ARMC9: variants seen among roughly 807,000 people sequenced by gnomAD.
ARMC9 encodes the protein lisH domain-containing protein ARMC9.
Under a neutral mutation model 107.0 loss-of-function variants are expected in ARMC9, and 94 were observed. The ratio of observed to expected loss-of-function variants is 0.88; its 90% CI spans 0.74 to 1.04. The LOEUF (loss-of-function observed/expected upper bound fraction) is 1.04. Ranked by LOEUF, ARMC9 falls within the 50% of genes least tolerant of loss-of-function variation. The pLI is 0.00. For missense variants in ARMC9, 942 were observed against 1,030.1 expected, an observed-to-expected ratio of 0.91 and a Z score of 1.17; for synonymous variants, 380 against 396.9, an observed-to-expected ratio of 0.96 and a Z score of 0.51.
At chr2:231,312,540 G>T (rs928838141) in intron 19 of ARMC9, among the ~76,000 whole-genome samples, 1 of 151,720 alleles carries the variant, frequency 6.6e-6, no homozygotes, top group Non-Finnish European at 1.5e-5. Context: ...ATTCTTCTCC[G>T]AACAAACCGT....
intron 20 of ARMC9, among the ~76,000 whole-genome samples, chr2:231,343,410 T>G (rs1279133676): frequency 6.6e-6 from 1 of 151,952 alleles, no homozygotes; most frequent in Admixed American, 6.6e-5. Context: ...TTTTTGTTTT[T>G]TATTTTATTT....
intron 6 of ARMC9, 98 bp from the exon 7 acceptor site, chr2:231,226,676 T>C (rs2125341001): frequency 1.4e-6 from 2 of 1,400,186 alleles, no homozygotes; most frequent in Non-Finnish European, 2.0e-6. Flanking sequence ...TTCTGTTTCA[T>C]CATGCTGAGG....
intron 19 of ARMC9, among the ~76,000 whole-genome samples, chr2:231,303,826 A>AC (rs1450340658): frequency 1.3e-5 from 2 of 152,012 alleles, no homozygotes; most frequent in Admixed American, 1.3e-4. Flanking sequence ...AATCCTAGCT[A>AC]CTCAGAGGCT....
intron 19 of ARMC9, among the ~76,000 whole-genome samples, chr2:231,306,753 G>T (rs889071240): frequency 4.2e-5 from 6 of 142,552 alleles, no homozygotes; most frequent in Admixed American, 3.5e-4. Flanking sequence ...AGGCAAGGAG[G>T]AAAAAAAAAA....
In ARMC9 at chr2:231,313,427, TTTGA is replaced by T. The variant is rs1424270758; in HGVS notation, c.1773+17178_1773+17181del. On this transcript the variant is annotated intron_variant, in intron 19 of 24. Transcript: ENST00000611582. ...TTTTAATCCAGTCCGACAATCTGCC[TTTGA>T]TTGGAGTATTTATTTAGTGTGTTCA... Among the ~76,000 whole-genome samples, 15 of 152,380 alleles carry T rather than the reference TTTGA, an allele frequency of 9.8e-5. No individual in the cohort carries two copies. The East Asian group carries it at 2.9e-3, about 29-fold the overall frequency.
At position 231,362,123 on chromosome 2, in the gene ARMC9, C is replaced by T. The variant is rs79233600; in HGVS notation, c.2261+1240C>T. Among the ~76,000 whole-genome samples the T allele has an allele frequency of 1.9e-3, 287 of 152,242 alleles. 1 individual carries two copies. The highest frequency in any genetic ancestry group is 6.4e-3 in the African/African-American group (267 of 41,546). On this transcript the variant is annotated intron_variant, in intron 23 of 24. Coordinates refer to ENST00000611582, the MANE Select transcript of ARMC9 (RefSeq NM_001352754.2). The surrounding 1 kb of genome is among the most constrained non-coding windows in gnomAD (Gnocchi z 4.7). Reference sequence around the variant, plus strand: ...GCCAAGCCTCTGGACTCCTCCAGTTCCACTGCCAACCTGCCTGGGGACCCA... The same window carrying T: ...GCCAAGCCTCTGGACTCCTCCAGTTTCACTGCCAACCTGCCTGGGGACCCA...
At position 231,323,894 on chromosome 2, in the gene ARMC9, A is replaced by G. The variant is rs543352890; in HGVS notation, c.1774-7899A>G. Among the ~76,000 whole-genome samples the G allele has an allele frequency of 3.9e-5, 6 of 152,286 alleles. No homozygotes were observed. The South Asian group carries it at 1.2e-3, about 32-fold the overall frequency. On this transcript the variant is annotated intron_variant, in intron 19 of 24. Coordinates refer to ENST00000611582, the MANE Select transcript of ARMC9 (RefSeq NM_001352754.2). Reference sequence around the variant, plus strand: ...TGAAATAACAATAGCGTTTGCCTGCATGTTGCACTAGAGAAACTGAGGCAG... The same window carrying G: ...TGAAATAACAATAGCGTTTGCCTGCGTGTTGCACTAGAGAAACTGAGGCAG...
intron 19 of ARMC9, among the ~76,000 whole-genome samples, chr2:231,315,012 A>G (rs571779638): frequency 4.3e-4 from 66 of 151,840 alleles, no homozygotes; most frequent in African/African-American, 1.6e-3. Flanking sequence ...AGGCCGAGGC[A>G]GGCGGATCAT....
intron 19 of ARMC9, among the ~76,000 whole-genome samples, chr2:231,331,133 C>T (rs1224438269): frequency 1.3e-5 from 2 of 152,062 alleles, no homozygotes; most frequent in South Asian, 2.1e-4. Context: ...CAGAGCGAGA[C>T]CCTATCTCAA....
intron 7 of ARMC9, among the ~76,000 whole-genome samples, chr2:231,227,495 A>G (rs562023072): frequency 1.3e-5 from 2 of 152,318 alleles, no homozygotes; most frequent in African/African-American, 4.8e-5. Flanking sequence ...CTCAGTTCCC[A>G]GTAGGTGGAG....
chr2:231,349,610 T>C (rs987684553), intron 21 of ARMC9, among the ~76,000 whole-genome samples: 6 of 150,338 alleles, frequency 4.0e-5, no homozygotes, highest in Non-Finnish European at 8.8e-5. Context: ...GGTAAAACCC[T>C]GTCTCTACTA....
chr2:231,298,943 G>C (rs571188912), intron 19 of ARMC9, among the ~76,000 whole-genome samples: 3 of 152,078 alleles, frequency 2.0e-5, no homozygotes, highest in Non-Finnish European at 2.9e-5. Context: ...CAAAAAAAGT[G>C]GGGGGCTGTA....
chr2:231,265,714 A>T (rs1330453837), intron 12 of ARMC9, among the ~76,000 whole-genome samples: 1 of 151,786 alleles, frequency 6.6e-6, no homozygotes, highest in East Asian at 1.9e-4. Context: ...AAAAAAAAAA[A>T]AGAAGAAATA....
intron 16 of ARMC9, 66 bp downstream of exon 16, chr2:231,278,524 C>A: frequency 1.5e-6 from 2 of 1,366,452 alleles, no homozygotes; most frequent in South Asian, 1.2e-5. Flanking sequence ...TGCCTGTGAC[C>A]CCACAGGCAC....
chr2:231,369,874 G>C, intron 23 of ARMC9, 79 bp from the exon 24 acceptor site: 1 of 1,327,550 alleles, frequency 7.5e-7, no homozygotes, highest in Non-Finnish European at 9.7e-7. Context: ...GATTATAGGC[G>C]GGAGCCACCA....
intron 19 of ARMC9, among the ~76,000 whole-genome samples, chr2:231,314,724 T>C (rs1201330516): frequency 6.6e-6 from 1 of 152,262 alleles, no homozygotes; most frequent in Non-Finnish European, 1.5e-5. Context: ...TGGAAACCAT[T>C]GGCCTAGGCC....
chr2:231,299,109 A>G (rs1390885969), intron 19 of ARMC9, among the ~76,000 whole-genome samples: 1 of 152,232 alleles, frequency 6.6e-6, no homozygotes, highest in Non-Finnish European at 1.5e-5. Flanking sequence ...TCTGTAATTT[A>G]TAATGACTTG....
At chr2:231,369,573 G>A (rs943830830) in intron 23 of ARMC9, among the ~76,000 whole-genome samples, 3 of 148,616 alleles carry the variant, frequency 2.0e-5, no homozygotes, top group Admixed American at 6.7e-5. Flanking sequence ...GATTACAGGC[G>A]TGAGCCACCA....
chr2:231,330,441 AC>A (rs2043651668), intron 19 of ARMC9, among the ~76,000 whole-genome samples: 1 of 152,142 alleles, frequency 6.6e-6, no homozygotes, highest in Non-Finnish European at 1.5e-5. Flanking sequence ...CCCGTCACTC[AC>A]TGCGCCCCAC....
Sources: allele counts gnomAD v4.1 joint callset (sites outside exome capture counted in the v4.1 genomes callset), GRCh38; gene constraint gnomAD v4.1.1; non-coding constraint Gnocchi (gnomAD v3.1); transcripts MANE v1.5; gene names NCBI Gene and HGNC (gene_info 2026-07-23, HGNC 2026-07-21).